The following SULT1A1 variants were observed in gnomAD, a reference collection of about 807,000 sequenced individuals.
SULT1A1 encodes sulfotransferase 1A1.
In SULT1A1, 35 loss-of-function variants were observed where a neutral mutation model predicts 36.8. The observed-to-expected ratio is 0.95, with a 90% CI of 0.73 to 1.26. The LOEUF is 1.26. Among genes scored for constraint, SULT1A1 ranks in the 50% most tolerant of loss-of-function variants. SULT1A1 has a pLI of 0.00. For missense variants in SULT1A1, 309 were observed against 383.0 expected (o/e 0.81, Z 1.61); for synonymous variants, 119 against 146.0 (o/e 0.82, Z 1.33).
rs2047616076 is a variant in SULT1A1 at position 28,619,855 on chromosome 16, CAATT to C, written c.138+204_138+207del. 2.6e-5 allele frequency among the ~76,000 whole-genome samples: 4 copies of C among 151,116 alleles called. No individual in the cohort carries two copies. In the South Asian group the frequency reaches 6.2e-4, roughly 24 times the overall value. ...TCTGAAAATACATACATATATGTGT[CAATT>C]AAAACATTTTAAATCTTTATAAATA... On this transcript the variant is annotated intron_variant, in intron 2 of 5. Transcript: ENST00000350842.
At chr16:28,616,290 T>C (rs1267648684) in intron 2 of SULT1A1, among the ~76,000 whole-genome samples, 2 of 152,196 alleles carry the variant, frequency 1.3e-5, no homozygotes, top group Admixed American at 6.5e-5. Flanking sequence ...ATATCTAAGA[T>C]CTATATCTGG....
At position 28,605,515 on chromosome 16, in the gene SULT1A1, T is replaced by G. The variant is rs1044180341; in HGVS notation, c.*306A>C. ...CCAAACTCCTGTCCTCCAGTGATCC[T>G]CTAGCCTCAACTTCTCAAATTGCTG... On this transcript the variant is annotated 3_prime_UTR_variant, in exon 8 of 8. Coordinates refer to ENST00000314752, the MANE Select transcript of SULT1A1 (RefSeq NM_001055.4). 5.1e-5 allele frequency: 25 copies of G among 488,740 alleles called. No homozygotes were observed. The highest frequency in any genetic ancestry group is 8.8e-5 in the Non-Finnish European group (24 of 271,554). 30.3% of individuals were successfully genotyped at this position (488,740 alleles called of 1,614,324 possible).
rs370746910 is a variant in SULT1A1, at chr16:28,607,164, C to G, written c.373-87G>C. The G allele has an allele frequency of 8.3e-4, 1,307 of 1,583,616 alleles. 25 individuals are homozygous for G. Among genetic ancestry groups the G allele is most frequent in the Non-Finnish European group, 5.9e-4 (686 of 1,161,304 alleles). ...ATCTCTTGGATTGGCAAAGGAGGAACCTGAGGCTTAGAGGCTGACTTGTTT... is the reference window on the plus strand; with the variant it reads ...ATCTCTTGGATTGGCAAAGGAGGAAGCTGAGGCTTAGAGGCTGACTTGTTT... On this transcript the variant is annotated intron_variant, in intron 4 of 7. Coordinates refer to ENST00000314752, the MANE Select transcript of SULT1A1 (RefSeq NM_001055.4).
chr16:28,605,725 C>A lies in SULT1A1; in HGVS notation c.*96G>T. The A allele has an allele frequency of 6.4e-7, 1 of 1,571,806 alleles. No homozygotes were observed. Among genetic ancestry groups the A allele is most frequent in the Admixed American group, 1.8e-5 (1 of 54,392 alleles). On this transcript the variant is annotated 3_prime_UTR_variant, in exon 8 of 8. Coordinates refer to ENST00000314752, the MANE Select transcript of SULT1A1 (RefSeq NM_001055.4). Reference sequence around the variant, plus strand: ...CAAATTGCTGGGATTACAGACATGACCTACCGTCCCGGGCCCTCAATTCAT... The same window carrying A: ...CAAATTGCTGGGATTACAGACATGAACTACCGTCCCGGGCCCTCAATTCAT...
At chr16:28,610,144 C>T (rs1474665315), upstream of SULT1A1, 10 of 1,285,578 alleles carry the variant, frequency 7.8e-6, 1 homozygote, top group Admixed American at 1.2e-4. Flanking sequence ...CTTAGTGTGC[C>T]AGCTGGAGAC....
chr16:28,608,983 A>T, intron 1 of SULT1A1, 124 bp from the exon 2 acceptor site: 1 of 1,583,054 alleles, frequency 6.3e-7, no homozygotes, highest in Admixed American at 1.8e-5. Context: ...CCGCACTCAC[A>T]AAGCCACTCA....
chr16:28,611,890 C>CT (rs1180583624), upstream of SULT1A1: 2 of 86,412 alleles, frequency 2.3e-5, no homozygotes, highest in Admixed American at 2.6e-4. Flanking sequence ...TGGCACACGC[C>CT]TGTAATCCCA....
In SULT1A1 at chr16:28,606,747, G is replaced by C; in HGVS notation, c.594+14C>G. On this transcript the variant is annotated intron_variant, in intron 6 of 7. Coordinates refer to ENST00000314752, the MANE Select transcript of SULT1A1 (RefSeq NM_001055.4). Reference sequence around the variant, plus strand: ...CAGGAGTCACATGGAGGGAAGCATCGCACGTGGTCTCACCTCCTTCATGTC... The same window carrying C: ...CAGGAGTCACATGGAGGGAAGCATCCCACGTGGTCTCACCTCCTTCATGTC... 1 of 1,607,918 alleles carries C rather than the reference G, an allele frequency of 6.2e-7. No homozygotes were observed. The highest frequency in any genetic ancestry group is 1.1e-5 in the South Asian group (1 of 90,828).
intron 2 of SULT1A1, among the ~76,000 whole-genome samples, chr16:28,617,080 A>G (rs2047561411): frequency 6.6e-6 from 1 of 151,852 alleles, no homozygotes; most frequent in Non-Finnish European, 1.5e-5. Flanking sequence ...CAGTGGTACA[A>G]TCATAGCTTA....
intron 2 of SULT1A1, among the ~76,000 whole-genome samples, chr16:28,619,727 A>T (rs1301997420): frequency 6.6e-5 from 4 of 60,334 alleles, no homozygotes; most frequent in Non-Finnish European, 1.0e-4. Context: ...CTCAAAAAAA[A>T]TTTTATTAAA....
chr16:28,610,251 GTTTTTTTTTTCTGTTT>G, upstream of SULT1A1: 4 of 583,972 alleles, frequency 6.8e-6, no homozygotes, highest in East Asian at 3.2e-4. Flanking sequence ...GTTTTTGTAG[GTTTTTTTTTTCTGTTT>G]TTTTTTTTTT....
At chr16:28,623,347 C>G (rs2047696488) in exon 1 of SULT1A1, 2 of 1,499,322 alleles carry the variant, frequency 1.3e-6, no homozygotes, top group Admixed American at 2.2e-5. Flanking sequence ...TGCAGCACGT[C>G]CCCGGCGGAG....
chr16:28,610,251 GTTTTTTTTTTCTGTTTTTTTTTTTT>G (rs2047396367), upstream of SULT1A1: 1 of 568,388 alleles, frequency 1.8e-6, no homozygotes, highest in African/African-American at 2.3e-5. Context: ...GTTTTTGTAG[GTTTTTTTTTTCTGTTTTTTTTTTTT>G]TTTTTTTTTT....
Position 28,608,566 on chromosome 16 carries a change from G to C in SULT1A1, c.186C>G (p.Tyr62Ter). 1.2e-6 allele frequency: 2 copies of C among 1,612,364 alleles called. No individual in the cohort carries two copies. Among genetic ancestry groups the C allele is most frequent in the South Asian group, 1.1e-5 (1 of 91,008 alleles). The change falls in exon 3 of 8, where the codon TAC becomes TAG. Residue 62 changes from tyrosine to a stop codon, truncating the protein, a stop_gained. Transcript: ENST00000314752. LOFTEE classifies it high-confidence loss of function. ...GACACTTCTCCAGGTCACCACCCTG[G>C]TAGATCATGTCCAGAATCTGGCTTA... The part of the protein sequence containing the change: ...TWVSQILDMI[Y>*]QGGDLEKCHR...
At chr16:28,618,573 C>T (rs374628362) in intron 2 of SULT1A1, among the ~76,000 whole-genome samples, 15 of 151,890 alleles carry the variant, frequency 9.9e-5, no homozygotes, top group East Asian at 5.8e-4. Context: ...CTCGATCTCC[C>T]GACCTTGTGA....
chr16:28,609,281 G>A, intron 1 of SULT1A1: 1 of 1,259,782 alleles, frequency 7.9e-7, no homozygotes, highest in Non-Finnish European at 1.0e-6. Context: ...CCTCCACCCA[G>A]TGGAGATGCT....
At chr16:28,622,761 C>G (rs969512423) in intron 1 of SULT1A1, among the ~76,000 whole-genome samples, 2 of 152,130 alleles carry the variant, frequency 1.3e-5, no homozygotes, top group African/African-American at 4.8e-5. Context: ...CTTTATTTTC[C>G]CGTGGGCCTT....
chr16:28,623,345 G>C, exon 1 of SULT1A1: 1 of 1,498,450 alleles, frequency 6.7e-7, no homozygotes, highest in Non-Finnish European at 8.9e-7. Flanking sequence ...GCTGCAGCAC[G>C]TCCCCGGCGG....
At chr16:28,607,366 T>C in intron 4 of SULT1A1, 1 of 467,576 alleles carries the variant, frequency 2.1e-6, no homozygotes, top group Non-Finnish European at 3.7e-6. Flanking sequence ...CCACCAAATT[T>C]TGTGGGCCTG....
Sources: gnomAD v4.1 joint callset for allele counts (sites outside exome capture counted in the v4.1 genomes callset) on GRCh38, gnomAD v4.1.1 for gene constraint, MANE v1.5 for transcripts, NCBI Gene and HGNC (gene_info 2026-07-23, HGNC 2026-07-21) for gene names.